Variants in BRINP1 observed in about 807,000 individuals in gnomAD.
BRINP1 encodes the protein BMP/retinoic acid inducible neural specific 1.
In BRINP1, 17 loss-of-function variants were observed where a neutral mutation model predicts 72.9. That is an observed-to-expected ratio of 0.23 (90% CI 0.16 to 0.35). The LOEUF (loss-of-function observed/expected upper bound fraction) is 0.35. BRINP1 is among the 10% of genes least tolerant of loss of function. The probability of loss-of-function intolerance (pLI) is 1.00; values close to 1 mark genes in which losing one functional copy is unlikely to be tolerated. For synonymous variants in BRINP1, 418 were observed against 378.5 expected, an observed-to-expected ratio of 1.10 and a Z score of -1.21; for missense variants, 850 against 1,001.6, an observed-to-expected ratio of 0.85 and a Z score of 2.04.
chr9:119,239,370 C>T (rs1485553892), intron 4 of BRINP1, among the ~76,000 whole-genome samples: 2 of 152,214 alleles, frequency 1.3e-5, no homozygotes, highest in Non-Finnish European at 2.9e-5. Flanking sequence ...TGTGCTGCCA[C>T]AGGAGAAAAT....
chr9:119,332,794 G>T (rs1042893565), intron 1 of BRINP1, among the ~76,000 whole-genome samples: 1 of 152,190 alleles, frequency 6.6e-6, no homozygotes, highest in Non-Finnish European at 1.5e-5. Context: ...GGTTAGGTCA[G>T]CTGGCCCTAG....
intron 1 of BRINP1, among the ~76,000 whole-genome samples, chr9:119,361,797 A>ATTTT (rs869281749): frequency 9.3e-5 from 6 of 64,466 alleles, no homozygotes; most frequent in African/African-American, 1.9e-4. Context: ...CAGTTTTTGC[A>ATTTT]TTTTTTTTTT....
chr9:119,217,221 T>C (rs1045231361), intron 5 of BRINP1, among the ~76,000 whole-genome samples: 1 of 151,848 alleles, frequency 6.6e-6, no homozygotes, highest in African/African-American at 2.4e-5. Flanking sequence ...ATAAATAATT[T>C]GGAGGGGGAT....
intron 2 of BRINP1, among the ~76,000 whole-genome samples, chr9:119,281,112 C>A (rs1244131981): frequency 6.6e-6 from 1 of 152,158 alleles, no homozygotes; most frequent in Non-Finnish European, 1.5e-5. Context: ...GTCCAGCCAA[C>A]CCTACTGACA....
chr9:119,174,794 A>G (rs1361474061), intron 7 of BRINP1, among the ~76,000 whole-genome samples: 2 of 151,928 alleles, frequency 1.3e-5, no homozygotes, highest in Non-Finnish European at 2.9e-5. Flanking sequence ...TCCATAAAAA[A>G]TGATGAGTTC....
intron 1 of BRINP1, among the ~76,000 whole-genome samples, chr9:119,355,263 T>C (rs1831549400): frequency 6.6e-6 from 1 of 152,228 alleles, no homozygotes; most frequent in Non-Finnish European, 1.5e-5. Flanking sequence ...TTGAACCTTA[T>C]GCTTTTTAAA....
intron 2 of BRINP1, among the ~76,000 whole-genome samples, chr9:119,287,223 G>C (rs565388988): frequency 6.4e-4 from 98 of 152,290 alleles, no homozygotes; most frequent in Middle Eastern, 3.4e-3. Context: ...TCATAAGAGA[G>C]ACCTGGTTCC....
chr9:119,278,397 T>G (rs1830676369), intron 2 of BRINP1, among the ~76,000 whole-genome samples: 1 of 152,162 alleles, frequency 6.6e-6, no homozygotes, highest in Admixed American at 6.5e-5. Flanking sequence ...GTTGGCTAAT[T>G]TTATTTGGCA....
At chr9:119,358,803 C>T (rs1044899665) in intron 1 of BRINP1, among the ~76,000 whole-genome samples, 2 of 152,054 alleles carry the variant, frequency 1.3e-5, no homozygotes, top group Admixed American at 6.6e-5. Context: ...GTCTTTACAT[C>T]TATATCTCAT....
At chr9:119,291,234 A>G (rs1830819322) in intron 2 of BRINP1, among the ~76,000 whole-genome samples, 1 of 152,086 alleles carries the variant, frequency 6.6e-6, no homozygotes, top group Non-Finnish European at 1.5e-5. Context: ...TAGAGCCTCC[A>G]TTGTTCTTCT....
chr9:119,168,118 T>C lies in BRINP1; in HGVS notation c.1252A>G (p.Ser418Gly), dbSNP rs1829343117. 2 of 1,607,262 alleles carry C rather than the reference T, an allele frequency of 1.2e-6. No homozygotes were observed. The highest frequency in any genetic ancestry group is 2.2e-5 in the East Asian group (1 of 44,684). Residue 418 changes from serine (S) to glycine (G), a missense_variant, in exon 8 of 8, where the codon AGC (serine) becomes GGC (glycine). Transcript: ENST00000265922. ...ESQRSCVCHG[S>G]TTLCQRPIPC... is the part of the protein sequence containing the mutation. ...ATGGGGCGCTGGCACAGCGTGGTGC[T>C]GCCGTGGCACACGCAGCTCCGCTGG...
chr9:119,218,511 C>T (rs114710838), intron 5 of BRINP1, among the ~76,000 whole-genome samples: 1,603 of 152,068 alleles, frequency 0.011, 29 homozygotes, highest in African/African-American at 0.037. Context: ...GAACTTTAAA[C>T]GCTTCCTTCT....
At chr9:119,206,752 G>A (rs1346623174) in intron 7 of BRINP1, among the ~76,000 whole-genome samples, 1 of 152,168 alleles carries the variant, frequency 6.6e-6, no homozygotes, top group African/African-American at 2.4e-5. Flanking sequence ...TGTTCGCTGT[G>A]TGCATTTCTG....
At chr9:119,260,028 A>G (rs1554751764) in intron 2 of BRINP1, among the ~76,000 whole-genome samples, 1 of 152,188 alleles carries the variant, frequency 6.6e-6, no homozygotes, top group Non-Finnish European at 1.5e-5. Flanking sequence ...ACCCTTAGTC[A>G]TTTTCCTATA....
At chr9:119,263,530 C>T (rs893871319) in intron 2 of BRINP1, among the ~76,000 whole-genome samples, 2 of 149,462 alleles carry the variant, frequency 1.3e-5, no homozygotes, top group Non-Finnish European at 3.0e-5. Context: ...CTCCATTGGA[C>T]AGGGACTGTA....
intron 5 of BRINP1, among the ~76,000 whole-genome samples, chr9:119,237,887 C>G (rs1264342631): frequency 6.6e-6 from 1 of 152,016 alleles, no homozygotes; most frequent in Admixed American, 6.5e-5. Flanking sequence ...GACTTAAACT[C>G]CTGACCTCGT....
At chr9:119,221,758 C>G (rs1172175839) in intron 5 of BRINP1, among the ~76,000 whole-genome samples, 1 of 152,086 alleles carries the variant, frequency 6.6e-6, no homozygotes, top group African/African-American at 2.4e-5. Flanking sequence ...GTGAAAGATA[C>G]AGGTATATGG....
At chr9:119,185,743 G>A (rs1829609933) in intron 7 of BRINP1, among the ~76,000 whole-genome samples, 1 of 152,198 alleles carries the variant, frequency 6.6e-6, no homozygotes, top group African/African-American at 2.4e-5. Flanking sequence ...TCCCTGAAGG[G>A]AAAAGTCTTC....
intron 2 of BRINP1, among the ~76,000 whole-genome samples, chr9:119,293,056 A>T (rs534532364): frequency 1.9e-4 from 29 of 152,304 alleles, no homozygotes; most frequent in African/African-American, 6.7e-4. Flanking sequence ...ACAAAAATCC[A>T]TGCCTCAATA....
Sources: gnomAD v4.1 joint callset for allele counts (sites outside exome capture counted in the v4.1 genomes callset) on GRCh38, gnomAD v4.1.1 for gene constraint, MANE v1.5 for transcripts, NCBI Gene and HGNC (gene_info 2026-07-23, HGNC 2026-07-21) for gene names.